The following MECOM variants were observed in gnomAD, a reference collection of about 807,000 sequenced individuals.
MECOM encodes the protein histone-lysine N-methyltransferase MECOM.
A neutral mutation model predicts 116.3 loss-of-function variants in MECOM; 13 were observed. The observed-to-expected ratio is 0.11, with a 90% CI of 0.07 to 0.18. The LOEUF (loss-of-function observed/expected upper bound fraction) is 0.18. MECOM is among the 10% of genes least tolerant of loss of function. The pLI is 1.00. For synonymous variants in MECOM, 528 were observed against 535.2 expected (o/e 0.99, Z 0.19); for missense variants, 1,299 against 1,509.0 (o/e 0.86, Z 2.31).
intron 2 of MECOM, among the ~76,000 whole-genome samples, chr3:169,149,082 T>C (rs1333861793): frequency 4.0e-5 from 6 of 151,306 alleles, no homozygotes; most frequent in South Asian, 2.1e-4. Flanking sequence ...GCTTTCTTTT[T>C]TTTTTTTTTT....
At position 169,657,029 on chromosome 3, in the gene MECOM, T is replaced by A. The variant is rs146155164; in HGVS notation, c.37+6307A>T. On this transcript the variant is annotated intron_variant, in intron 1 of 16. Transcript: ENST00000651503. ...TTACTCCTTCCAACTTACAAGGACATACACAGATAAAAAATGCCTAGAAAC... is the reference window on the plus strand; with the variant it reads ...TTACTCCTTCCAACTTACAAGGACAAACACAGATAAAAAATGCCTAGAAAC... Among the ~76,000 whole-genome samples, 322 of 152,296 alleles carry A rather than the reference T, an allele frequency of 2.1e-3. 1 individual carries two copies. The highest frequency in any genetic ancestry group is 4.0e-3 in the Non-Finnish European group (270 of 68,018).
At position 169,089,399 on chromosome 3, in the gene MECOM, T is replaced by C. The variant is rs912436551; in HGVS notation, c.3402-216A>G. Among the ~76,000 whole-genome samples, 3 of 152,160 alleles carry C rather than the reference T, an allele frequency of 2.0e-5. 1 individual carries two copies. Among genetic ancestry groups the C allele is most frequent in the Admixed American group, 1.3e-4 (2 of 15,256 alleles). ...GATTTTTAGTAACTAAAGCCAAGCA[T>C]ATATTTGAGATAAAGAGTTAAAGTC... On this transcript the variant is annotated intron_variant, in intron 15 of 16. Transcript: ENST00000651503.
Position 169,084,976 on chromosome 3 carries a change from T to C in MECOM, c.3653A>G (p.Asn1218Ser), listed in dbSNP as rs1438581901. ...AGCCCTGGCCATACTGTGCCACACGTTGGAAGAACTGTGGGATGTAGAATG... is the reference window on the plus strand; with the variant it reads ...AGCCCTGGCCATACTGTGCCACACGCTGGAAGAACTGTGGGATGTAGAATG... ...SLHSTSHSSS[N>S]VWHSMARAAA... The change falls in exon 17 of 17, where the codon AAC (asparagine) becomes AGC (serine). Residue 1218 changes from asparagine to serine, a missense_variant. Asn to Ser is a conservative substitution (Grantham distance 46, BLOSUM62 1). Around this residue, in one of 6 missense-constraint regions of MECOM, gnomAD observed 273 missense variants for 289.3 expected, o/e 0.94. Transcript: ENST00000651503. The C allele has an allele frequency of 6.2e-7, 1 of 1,613,930 alleles. No homozygotes were observed. Among genetic ancestry groups the C allele is most frequent in the Admixed American group, 1.7e-5 (1 of 60,000 alleles).
intron 1 of MECOM, among the ~76,000 whole-genome samples, chr3:169,528,762 G>A (rs1057192184): frequency 6.6e-5 from 10 of 152,136 alleles, no homozygotes; most frequent in East Asian, 1.9e-4. Flanking sequence ...ACTGGTTTGC[G>A]TTTCAGAATT....
At chr3:169,293,179 G>T (rs898510826) in intron 2 of MECOM, among the ~76,000 whole-genome samples, 5 of 152,180 alleles carry the variant, frequency 3.3e-5, no homozygotes, top group Non-Finnish European at 7.3e-5. Flanking sequence ...TCTGGCATGA[G>T]CAGTGCTAGT....
At chr3:169,405,579 G>A (rs1325653369) in intron 1 of MECOM, among the ~76,000 whole-genome samples, 4 of 152,276 alleles carry the variant, frequency 2.6e-5, no homozygotes, top group African/African-American at 9.6e-5. Flanking sequence ...TACAGACAGA[G>A]TTAATAGTAC....
intron 2 of MECOM, among the ~76,000 whole-genome samples, chr3:169,324,191 C>G (rs1721423639): frequency 6.6e-6 from 1 of 152,214 alleles, no homozygotes; most frequent in Admixed American, 6.5e-5. Context: ...TGTGCTCACA[C>G]AGGTTGCTTT....
At chr3:169,554,740 C>T (rs1761833558) in intron 1 of MECOM, among the ~76,000 whole-genome samples, 1 of 152,188 alleles carries the variant, frequency 6.6e-6, no homozygotes, top group African/African-American at 2.4e-5. Context: ...TGCTGTGGTT[C>T]ATATACTAAA....
Position 169,539,679 on chromosome 3 carries a change from T to C in MECOM, c.37+123657A>G, listed in dbSNP as rs575409954. Among the ~76,000 whole-genome samples, 6 of 152,300 alleles carry C rather than the reference T, an allele frequency of 3.9e-5. No individual in the cohort carries two copies. The East Asian group carries it at 1.2e-3, about 29-fold the overall frequency. ...ACTATAACAGCTCCCAGCTGATCCC[T>C]CAAGATCCATGCTCTGCCCAGTAGC... On this transcript the variant is annotated intron_variant, in intron 1 of 16. Coordinates refer to ENST00000651503, the MANE Select transcript of MECOM (RefSeq NM_004991.4).
chr3:169,519,923 C>T (rs1757153218), intron 1 of MECOM, among the ~76,000 whole-genome samples: 1 of 152,242 alleles, frequency 6.6e-6, no homozygotes, highest in Admixed American at 6.5e-5. Context: ...CAACAAAGAG[C>T]ACATGGCCTA....
chr3:169,480,785 A>G (rs895397123), intron 1 of MECOM, among the ~76,000 whole-genome samples: 1 of 152,100 alleles, frequency 6.6e-6, no homozygotes, highest in African/African-American at 2.4e-5. Flanking sequence ...CTCTCTGAAG[A>G]TTAAGGGGCA....
Position 169,558,818 on chromosome 3 carries a change from C to T in MECOM, c.37+104518G>A, listed in dbSNP as rs143213409. Among the ~76,000 whole-genome samples the T allele has an allele frequency of 5.8e-3, 880 of 152,182 alleles. 6 individuals are homozygous for T. The highest frequency in any genetic ancestry group is 0.02 in the African/African-American group (839 of 41,512). On this transcript the variant is annotated intron_variant, in intron 1 of 16. Transcript: ENST00000651503. The stretch of plus-strand genomic sequence containing the variant: ...TCATCCTTAAGATTCCAGGAATCAT[C>T]GGTCAGAAGTATTCAACTTACCAAT...
At chr3:169,217,615 C>T (rs911928079) in intron 2 of MECOM, among the ~76,000 whole-genome samples, 9 of 151,766 alleles carry the variant, frequency 5.9e-5, no homozygotes, top group African/African-American at 1.7e-4. Context: ...AAAACCCCGT[C>T]GCCACTAAAA....
intron 1 of MECOM, among the ~76,000 whole-genome samples, chr3:169,566,546 T>C (rs1763267530): frequency 1.3e-5 from 2 of 152,140 alleles, no homozygotes; most frequent in East Asian, 1.9e-4. Flanking sequence ...CTAAGCCCCA[T>C]TGATGGGGGT....
chr3:169,501,668 C>G (rs1355230998), intron 1 of MECOM, among the ~76,000 whole-genome samples: 1 of 151,942 alleles, frequency 6.6e-6, no homozygotes, highest in East Asian at 1.9e-4. Context: ...TTTTAATGAC[C>G]AGGCTAGTCA....
At chr3:169,547,774 G>A (rs1378186974) in intron 1 of MECOM, among the ~76,000 whole-genome samples, 1 of 152,118 alleles carries the variant, frequency 6.6e-6, no homozygotes, top group Non-Finnish European at 1.5e-5. Context: ...TAAGAGAAAG[G>A]GGAGGGCAAC....
intron 1 of MECOM, among the ~76,000 whole-genome samples, chr3:169,453,037 G>A (rs1745863328): frequency 6.6e-6 from 1 of 152,128 alleles, no homozygotes; most frequent in African/African-American, 2.4e-5. Context: ...TACATGAATG[G>A]AATGGGAAAT....
intron 1 of MECOM, among the ~76,000 whole-genome samples, chr3:169,395,819 G>A (rs1028459888): frequency 3.3e-5 from 5 of 152,178 alleles, no homozygotes; most frequent in African/African-American, 9.7e-5. Context: ...CTTATAGATT[G>A]TAAAACATAA....
intron 2 of MECOM, among the ~76,000 whole-genome samples, chr3:169,198,605 T>G (rs1270894342): frequency 6.6e-6 from 1 of 152,014 alleles, no homozygotes; most frequent in Admixed American, 6.6e-5. Context: ...TGCCACAGAT[T>G]CTTTTTCCTT....
Sources: allele counts gnomAD v4.1 joint callset (sites outside exome capture counted in the v4.1 genomes callset), GRCh38; gene constraint gnomAD v4.1.1; regional missense constraint gnomAD v4.1.1; transcripts MANE v1.5; gene names NCBI Gene and HGNC (gene_info 2026-07-23, HGNC 2026-07-21).